The following DIAPH2 variants were observed in gnomAD, a reference collection of about 807,000 sequenced individuals.
DIAPH2 encodes the protein protein diaphanous homolog 2.
DIAPH2 carries 35 observed loss-of-function variants against 92.7 expected under a neutral mutation model. The ratio of observed to expected loss-of-function variants is 0.38; its 90% CI spans 0.29 to 0.50. The LOEUF is 0.50. Among genes scored for constraint, DIAPH2 ranks in the 20% least tolerant of loss-of-function variants. The pLI is 0.94. For missense variants in DIAPH2, 701 were observed against 819.5 expected (o/e 0.86, Z 1.77); for synonymous variants, 301 against 280.4 (o/e 1.07, Z -0.73).
intron 3 of DIAPH2, among the ~76,000 whole-genome samples, chrX:96,752,340 A>T (rs924765454): frequency 8.9e-6 from 1 of 112,324 alleles, no homozygotes; most frequent in Non-Finnish European, 1.9e-5. Context: ...AAGTTAATAT[A>T]TTTAAAGAAA....
chrX:97,467,613 A>T (rs2070524651), intron 26 of DIAPH2, among the ~76,000 whole-genome samples: 2 of 112,144 alleles, frequency 1.8e-5, no homozygotes, highest in South Asian at 7.4e-4. Flanking sequence ...CAGACAACTA[A>T]AATAGCTATA....
intron 8 of DIAPH2, among the ~76,000 whole-genome samples, chrX:96,916,941 A>G (rs2065508447): frequency 8.9e-6 from 1 of 111,758 alleles, no homozygotes; most frequent in Admixed American, 9.5e-5. Context: ...CAATTTGAAT[A>G]GATGCCTTTA....
intron 20 of DIAPH2, among the ~76,000 whole-genome samples, chrX:97,109,044 G>A (rs1412226975): frequency 9.0e-6 from 1 of 111,449 alleles, no homozygotes; most frequent in Non-Finnish European, 1.9e-5. Flanking sequence ...CTAATGCATC[G>A]TGTATAGATG....
chrX:97,376,529 C>A (rs923294145), intron 24 of DIAPH2, among the ~76,000 whole-genome samples: 1 of 111,950 alleles, frequency 8.9e-6, no homozygotes, highest in South Asian at 3.7e-4. Flanking sequence ...GAGTACAGAC[C>A]CTGAAATGCA....
At chrX:96,947,838 G>C (rs757005219) in intron 14 of DIAPH2, among the ~76,000 whole-genome samples, 1 of 111,828 alleles carries the variant, frequency 8.9e-6, no homozygotes, top group Non-Finnish European at 1.9e-5. Flanking sequence ...TGACAATAAA[G>C]GGCAAATAAA....
At chrX:96,985,355 A>T (rs1021972754) in intron 17 of DIAPH2, among the ~76,000 whole-genome samples, 1 of 110,488 alleles carries the variant, frequency 9.1e-6, no homozygotes, top group East Asian at 2.8e-4. Context: ...TTGGCATCTA[A>T]GGGTTCTTTT....
intron 18 of DIAPH2, among the ~76,000 whole-genome samples, chrX:97,074,122 G>A (rs905211084): frequency 8.9e-6 from 1 of 112,289 alleles, no homozygotes; most frequent in African/African-American, 3.2e-5. Flanking sequence ...TTCAAGTTCT[G>A]CGTGCCGGGC....
At chrX:96,798,795 G>A (rs113435432) in intron 4 of DIAPH2, among the ~76,000 whole-genome samples, 2,988 of 111,551 alleles carry the variant, frequency 0.027, 44 homozygotes, top group Non-Finnish European at 0.041. Flanking sequence ...ATCTAAAGTA[G>A]CATTTACTCT....
At chrX:97,473,856 A>G (rs1332196729) in intron 26 of DIAPH2, among the ~76,000 whole-genome samples, 1 of 111,547 alleles carries the variant, frequency 9.0e-6, no homozygotes, top group African/African-American at 3.3e-5. Context: ...GCTACTCAGG[A>G]GGCTGAGGCA....
rs757600238 is a variant in DIAPH2, at chrX:97,091,728, G to A, written c.2248-7966G>A. Among the ~76,000 whole-genome samples, 21 of 111,337 alleles carry A rather than the reference G, an allele frequency of 1.9e-4. No individual in the cohort carries two copies. In the South Asian group the frequency reaches 1.9e-3, roughly 10 times the overall value. ...AAGAGATTATTTCACCATATTCTGG[G>A]TTCAGTTGTTAACTGAGCTGTAGTC... On this transcript the variant is annotated intron_variant, in intron 19 of 26. Coordinates refer to ENST00000324765, the MANE Select transcript of DIAPH2 (RefSeq NM_006729.5).
chrX:97,456,921 TATC>T (rs1263527080), intron 26 of DIAPH2, among the ~76,000 whole-genome samples: 1 of 112,322 alleles, frequency 8.9e-6, no homozygotes, highest in Non-Finnish European at 1.9e-5. Context: ...CAAATACTAT[TATC>T]ATATCTTACT....
intron 26 of DIAPH2, among the ~76,000 whole-genome samples, chrX:97,445,047 G>A (rs1433934853): frequency 3.6e-5 from 4 of 111,858 alleles, no homozygotes; most frequent in Non-Finnish European, 7.5e-5. Flanking sequence ...GAAATTATTA[G>A]AGAATCTTTT....
chrX:97,136,141 C>T (rs1016900892), intron 21 of DIAPH2, among the ~76,000 whole-genome samples: 2 of 112,186 alleles, frequency 1.8e-5, no homozygotes, highest in Non-Finnish European at 3.8e-5. Context: ...AGTGTGGGAA[C>T]TTGAGAGAGG....
At chrX:97,145,987 C>G (rs1188965092) in intron 22 of DIAPH2, among the ~76,000 whole-genome samples, 1 of 68,362 alleles carries the variant, frequency 1.5e-5, no homozygotes, top group African/African-American at 5.1e-5. Flanking sequence ...TGTTCAGAAT[C>G]TATTTCCTTT....
At position 97,386,582 on chromosome X, in the gene DIAPH2, C is replaced by A. The variant is rs753259160; in HGVS notation, c.3145+2538C>A. ...ACTCGGGAGGCTGAGGCAGAAGAATCGCTTGAACCCAGGAGGTGGAAGTTG... is the reference window on the plus strand; with the variant it reads ...ACTCGGGAGGCTGAGGCAGAAGAATAGCTTGAACCCAGGAGGTGGAAGTTG... On this transcript the variant is annotated intron_variant, in intron 25 of 26. Coordinates refer to ENST00000324765, the MANE Select transcript of DIAPH2 (RefSeq NM_006729.5). 2.7e-5 allele frequency among the ~76,000 whole-genome samples: 3 copies of A among 109,768 alleles called. No individual in the cohort carries two copies. In the East Asian group the frequency reaches 8.6e-4, roughly 32 times the overall value.
At chrX:96,722,151 T>A (rs1402779236) in intron 1 of DIAPH2, among the ~76,000 whole-genome samples, 1 of 111,216 alleles carries the variant, frequency 9.0e-6, no homozygotes, top group Non-Finnish European at 1.9e-5. Context: ...GGGTCAGGAG[T>A]TTGAGACCAG....
intron 4 of DIAPH2, among the ~76,000 whole-genome samples, chrX:96,813,872 A>G (rs974525525): frequency 2.7e-5 from 3 of 112,097 alleles, no homozygotes; most frequent in African/African-American, 6.5e-5. Flanking sequence ...TCTGTCTTGT[A>G]GGATTTCTGC....
intron 1 of DIAPH2, among the ~76,000 whole-genome samples, chrX:96,725,368 T>G (rs1227054889): frequency 1.8e-5 from 2 of 112,046 alleles, no homozygotes; most frequent in Non-Finnish European, 3.8e-5. Flanking sequence ...GGGGGAAAAA[T>G]GAAGTTTATA....
intron 24 of DIAPH2, among the ~76,000 whole-genome samples, chrX:97,357,077 T>A (rs2069274881): frequency 8.9e-6 from 1 of 111,796 alleles, no homozygotes; most frequent in South Asian, 3.8e-4. Context: ...CAACGCCTCA[T>A]GCAGAATTTT....
Sources: allele counts gnomAD v4.1 joint callset (sites outside exome capture counted in the v4.1 genomes callset), GRCh38; gene constraint gnomAD v4.1.1; transcripts MANE v1.5; gene names NCBI Gene and HGNC (gene_info 2026-07-23, HGNC 2026-07-21).